Variants in SOX6 observed in about 807,000 individuals in gnomAD.
The protein encoded by SOX6 is transcription factor SOX-6.
A neutral mutation model predicts 97.8 loss-of-function variants in SOX6; 11 were observed. That is an observed-to-expected ratio of 0.11 (90% CI 0.07 to 0.19). The LOEUF is 0.19. Among genes scored for constraint, SOX6 ranks in the 10% least tolerant of loss-of-function variants. SOX6 has a pLI of 1.00. For synonymous variants in SOX6, 360 were observed against 371.4 expected (o/e 0.97, Z 0.35); for missense variants, 810 against 1,039.5 (o/e 0.78, Z 3.04).
At chr11:16,385,901 TA>T (rs1453348582) in intron 1 of SOX6, among the ~76,000 whole-genome samples, 4 of 152,190 alleles carry the variant, frequency 2.6e-5, no homozygotes. Flanking sequence ...TCCCACTAGC[TA>T]ATAGTCATTC....
At position 16,234,632 on chromosome 11, in the gene SOX6, T is replaced by C; in HGVS notation, c.485A>G (p.Lys162Arg). ...GGTATTTAGTCTTTCCATTTTTTCC[T>C]TCCAATCTTTTGAAAGTAGTTTTTC... ...CMEKLLSKDW[K>R]EKMERLNTSE... is the part of the protein sequence containing the mutation. Residue 162 changes from lysine (K) to arginine (R), a missense_variant, in exon 4 of 16, where the codon AAG becomes AGG. Physicochemically the swap from Lys to Arg is conservative, Grantham distance 26 (BLOSUM62 2). This residue lies in a region of SOX6 where 110 missense variants were observed against 119.0 expected (regional missense o/e 0.92). Coordinates refer to ENST00000683767, the MANE Select transcript of SOX6 (RefSeq NM_001367873.1). 1 of 1,598,756 alleles carries C rather than the reference T, an allele frequency of 6.3e-7. No individual in the cohort carries two copies. Among genetic ancestry groups the C allele is most frequent in the Non-Finnish European group, 8.6e-7 (1 of 1,169,122 alleles).
intron 6 of SOX6, among the ~76,000 whole-genome samples, chr11:16,139,549 T>C (rs1165236759): frequency 2.0e-5 from 3 of 152,180 alleles, no homozygotes; most frequent in Non-Finnish European, 4.4e-5. Context: ...CCCTTCAAGC[T>C]GGATGCTTTA....
At chr11:16,524,217 C>T (rs1389365027) in intron 4 of SOX6, among the ~76,000 whole-genome samples, 3 of 151,798 alleles carry the variant, frequency 2.0e-5, no homozygotes, top group African/African-American at 4.8e-5. Context: ...AACATTGATG[C>T]AAAAATCCTC....
intron 4 of SOX6, among the ~76,000 whole-genome samples, chr11:16,585,926 A>G (rs1198397840): frequency 2.6e-5 from 4 of 151,976 alleles, no homozygotes; most frequent in Admixed American, 2.6e-4. Context: ...TAAGCAATCC[A>G]CCTGCCTCAG....
chr11:16,525,477 C>A (rs1386854498), intron 4 of SOX6, among the ~76,000 whole-genome samples: 1 of 151,890 alleles, frequency 6.6e-6, no homozygotes, highest in Non-Finnish European at 1.5e-5. Context: ...ATACAAAAAT[C>A]AATTCAAGAT....
intron 4 of SOX6, among the ~76,000 whole-genome samples, chr11:16,232,116 G>A (rs997228225): frequency 6.6e-6 from 1 of 151,766 alleles, no homozygotes; most frequent in Non-Finnish European, 1.5e-5. Flanking sequence ...GATAACCCAT[G>A]ATTGTATGTA....
At chr11:16,423,402 C>T (rs77853632) in intron 1 of SOX6, among the ~76,000 whole-genome samples, 1,795 of 152,236 alleles carry the variant, frequency 0.012, 16 homozygotes, top group Non-Finnish European at 0.02. Flanking sequence ...TTAATAAATG[C>T]AAATGATGAG....
chr11:16,224,912 G>A (rs1458901974), intron 4 of SOX6, among the ~76,000 whole-genome samples: 9 of 151,970 alleles, frequency 5.9e-5, no homozygotes, highest in Non-Finnish European at 1.0e-4. Flanking sequence ...TATATGAAAA[G>A]TAAGAAGTTG....
chr11:16,555,593 G>A (rs569109696), intron 4 of SOX6, among the ~76,000 whole-genome samples: 86 of 151,298 alleles, frequency 5.7e-4, no homozygotes, highest in Non-Finnish European at 7.8e-4. Flanking sequence ...TTGCTATTTC[G>A]AAATATACAA....
rs575665815 is a variant in SOX6 at position 16,029,361 on chromosome 11, G to A, written c.1624-14311C>T. On this transcript the variant is annotated intron_variant, in intron 12 of 15. Coordinates refer to ENST00000683767, the MANE Select transcript of SOX6 (RefSeq NM_001367873.1). ...CCTAAAGATTGTCTAATGAGGGCCG[G>A]GCGTGGTGGCTCATGCCTGTAATTC... 7.4e-4 allele frequency among the ~76,000 whole-genome samples: 112 copies of A among 152,324 alleles called. No homozygotes were observed. The South Asian group carries it at 0.013, about 18-fold the overall frequency.
At chr11:16,475,549 C>T (rs1429528467) in intron 1 of SOX6, among the ~76,000 whole-genome samples, 1 of 152,132 alleles carries the variant, frequency 6.6e-6, no homozygotes, top group Non-Finnish European at 1.5e-5. Flanking sequence ...AATCAGAATA[C>T]ACACAATACA....
At chr11:16,402,899 T>C (rs1858599412) in intron 1 of SOX6, 32 of 1,492,384 alleles carry the variant, frequency 2.1e-5, no homozygotes, top group Non-Finnish European at 2.8e-5. Context: ...GAATTCCAGA[T>C]TGTCATAAAA....
At chr11:16,729,220 T>C (rs112928255) in intron 2 of SOX6, among the ~76,000 whole-genome samples, 2 of 152,068 alleles carry the variant, frequency 1.3e-5, no homozygotes, top group African/African-American at 4.8e-5. Flanking sequence ...ATTCGGGAAA[T>C]ACAGAGAACA....
At chr11:16,675,980 G>A (rs7116121) in intron 3 of SOX6, among the ~76,000 whole-genome samples, 31 of 147,218 alleles carry the variant, frequency 2.1e-4, no homozygotes, top group Middle Eastern at 3.2e-3. Flanking sequence ...GTCAAATTTC[G>A]AAAGTTTTAA....
chr11:16,422,879 A>G (rs1158963442), intron 1 of SOX6, among the ~76,000 whole-genome samples: 2 of 152,186 alleles, frequency 1.3e-5, no homozygotes, highest in Non-Finnish European at 2.9e-5. Context: ...ACTCTAGTCC[A>G]AGCCATCATC....
chr11:16,616,217 G>A (rs1848469634), intron 3 of SOX6, among the ~76,000 whole-genome samples: 1 of 152,040 alleles, frequency 6.6e-6, no homozygotes, highest in African/African-American at 2.4e-5. Context: ...AATCAGTATA[G>A]ATCCTTTCCA....
At chr11:16,004,875 C>T (rs541801091) in intron 13 of SOX6, among the ~76,000 whole-genome samples, 1 of 152,108 alleles carries the variant, frequency 6.6e-6, no homozygotes, top group South Asian at 2.1e-4. Flanking sequence ...TGTTTTCTTT[C>T]TCTAAACTGT....
intron 3 of SOX6, among the ~76,000 whole-genome samples, chr11:16,678,272 G>A (rs4756862): frequency 0.83 from 126,339 of 152,158 alleles, 52,537 homozygotes; most frequent in Middle Eastern, 0.9. Context: ...GTTCTCTAAT[G>A]CAGGTTTTCA....
At chr11:15,995,588 G>A (rs1166087177) in intron 13 of SOX6, among the ~76,000 whole-genome samples, 1 of 152,068 alleles carries the variant, frequency 6.6e-6, no homozygotes, top group Non-Finnish European at 1.5e-5. Flanking sequence ...GAAAAACACT[G>A]GCTGAAAATT....
Sources: gnomAD v4.1 joint callset for allele counts (sites outside exome capture counted in the v4.1 genomes callset) on GRCh38, gnomAD v4.1.1 for gene constraint, gnomAD v4.1.1 regional missense constraint, MANE v1.5 for transcripts, NCBI Gene and HGNC (gene_info 2026-07-23, HGNC 2026-07-21) for gene names.